Variants in RNF130 observed in about 807,000 individuals in gnomAD.
RNF130 encodes E3 ubiquitin-protein ligase RNF130.
Under a neutral mutation model 44.6 loss-of-function variants are expected in RNF130, and 21 were observed. The observed-to-expected ratio is 0.47, with a 90% CI of 0.33 to 0.68. The LOEUF (loss-of-function observed/expected upper bound fraction) is 0.68, where lower values mean the gene tolerates loss of function less well. Among genes scored for constraint, RNF130 ranks in the 30% least tolerant of loss-of-function variants. RNF130 has a pLI of 0.02. For synonymous variants in RNF130, 214 were observed against 210.4 expected (o/e 1.02, Z -0.15); for missense variants, 479 against 560.6 (o/e 0.85, Z 1.47).
At position 180,071,558 on chromosome 5, in the gene RNF130, C is replaced by T. The variant is rs746922877; in HGVS notation, c.145G>A (p.Gly49Ser). The part of the protein sequence containing the change: ...INVTVQEPGR[G>S]APLTFRIDRG... Reference sequence around the variant, plus strand: ...TCGATGCGAAACGTGAGCGGGGCGCCGCGGCCGGGCTCCTGCACCGTCACG... The same window carrying T: ...TCGATGCGAAACGTGAGCGGGGCGCTGCGGCCGGGCTCCTGCACCGTCACG... The change falls in exon 1 of 9, where the codon GGC becomes AGC. Residue 49 changes from glycine (G) to serine (S), a missense_variant. Coordinates refer to ENST00000521389, the MANE Select transcript of RNF130 (RefSeq NM_018434.6). The T allele has an allele frequency of 7.0e-7, 1 of 1,433,502 alleles. No individual in the cohort carries two copies. The allele number at this position is 1,433,502 out of a possible 1,614,324, so 88.8% of individuals were successfully genotyped here.
chr5:179,949,709 G>A (rs866991414), intron 7 of RNF130, among the ~76,000 whole-genome samples: 1 of 152,214 alleles, frequency 6.6e-6, no homozygotes. Context: ...CAAAGCTGTT[G>A]TAACTTTAAG....
At chr5:180,049,003 A>G (rs1764630636) in intron 1 of RNF130, among the ~76,000 whole-genome samples, 1 of 152,234 alleles carries the variant, frequency 6.6e-6, no homozygotes, top group Admixed American at 6.5e-5. Flanking sequence ...GGAAGTGATC[A>G]CAGATGCCTG....
chr5:179,931,672 G>C (rs1355592144), intron 7 of RNF130, among the ~76,000 whole-genome samples: 1 of 151,040 alleles, frequency 6.6e-6, no homozygotes, highest in Admixed American at 6.6e-5. Context: ...CTACTCGGGA[G>C]GCTGAGGCAG....
At chr5:180,059,219 C>A (rs1344849617) in intron 1 of RNF130, among the ~76,000 whole-genome samples, 1 of 152,170 alleles carries the variant, frequency 6.6e-6, no homozygotes, top group African/African-American at 2.4e-5. Context: ...CTTTCTGCCC[C>A]CTCTCAGTGT....
intron 2 of RNF130, among the ~76,000 whole-genome samples, chr5:180,034,442 A>C (rs1561700931): frequency 6.6e-6 from 1 of 152,142 alleles, no homozygotes; most frequent in African/African-American, 2.4e-5. Context: ...GATTAGTATT[A>C]TTTTTTCTTT....
chr5:179,963,795 C>T, intron 7 of RNF130: 1 of 538,846 alleles, frequency 1.9e-6, no homozygotes, highest in East Asian at 3.2e-5. Context: ...ACCATTTCTT[C>T]CATTTAGGTC....
At chr5:179,969,968 G>A (rs1762543616) in intron 6 of RNF130, among the ~76,000 whole-genome samples, 1 of 152,200 alleles carries the variant, frequency 6.6e-6, no homozygotes, top group East Asian at 1.9e-4. Flanking sequence ...TCCAGCTTGG[G>A]CAACAAGAGC....
intron 3 of RNF130, among the ~76,000 whole-genome samples, chr5:180,001,834 G>A (rs1187488719): frequency 6.6e-6 from 1 of 152,188 alleles, no homozygotes; most frequent in Non-Finnish European, 1.5e-5. Context: ...CTAAGCAGCT[G>A]AGCTTCTTGA....
chr5:180,045,290 C>A (rs1475461222), intron 1 of RNF130, among the ~76,000 whole-genome samples: 1 of 152,158 alleles, frequency 6.6e-6, no homozygotes, highest in Non-Finnish European at 1.5e-5. Flanking sequence ...GGTTCTTGGT[C>A]TTGCTGACTT....
At position 179,978,243 on chromosome 5, in the gene RNF130, T is replaced by G; in HGVS notation, c.808A>C (p.Ser270Arg). Residue 270 changes from serine to arginine, a missense_variant, in exon 5 of 9, where the codon AGC (serine) becomes CGC (arginine). This residue lies in a region of RNF130 where 180 missense variants were observed against 275.1 expected (regional missense o/e 0.65). Transcript: ENST00000521389. Reference sequence around the variant, plus strand: ...CGGACGACATCATTCTGCTTATAGCTCTCTATGCAGACTGCACAATGATCA... The same window carrying G: ...CGGACGACATCATTCTGCTTATAGCGCTCTATGCAGACTGCACAATGATCA... ...DFDHCAVCIE[S>R]YKQNDVVRIL... 1.2e-6 allele frequency: 2 copies of G among 1,614,066 alleles called. No homozygotes were observed. Among genetic ancestry groups the G allele is most frequent in the South Asian group, 1.1e-5 (1 of 91,084 alleles).
intron 1 of RNF130, among the ~76,000 whole-genome samples, chr5:180,068,351 C>A (rs1218643644): frequency 3.9e-5 from 6 of 152,226 alleles, no homozygotes; most frequent in Non-Finnish European, 8.8e-5. Flanking sequence ...TGCATAAATA[C>A]AAGACATGTT....
intron 5 of RNF130, among the ~76,000 whole-genome samples, chr5:179,971,579 C>G (rs1480634185): frequency 1.3e-5 from 2 of 152,188 alleles, no homozygotes; most frequent in South Asian, 2.1e-4. Context: ...CCATGTTAGC[C>G]AGGATGGTTT....
At chr5:180,022,851 C>T (rs954905427) in intron 2 of RNF130, among the ~76,000 whole-genome samples, 3 of 152,182 alleles carry the variant, frequency 2.0e-5, no homozygotes, top group African/African-American at 7.2e-5. Flanking sequence ...TGCTTTCTTA[C>T]AAGCTTTTGA....
At chr5:180,029,852 C>T (rs868456575) in intron 2 of RNF130, among the ~76,000 whole-genome samples, 6 of 144,324 alleles carry the variant, frequency 4.2e-5, no homozygotes, top group South Asian at 2.2e-4. Context: ...CTATCCACCT[C>T]TTTTTTTTTT....
chr5:180,013,405 G>C, intron 2 of RNF130, 94 bp from the exon 3 acceptor site: 1 of 1,122,880 alleles, frequency 8.9e-7, no homozygotes, highest in Non-Finnish European at 1.2e-6. Flanking sequence ...CTACTATAAT[G>C]TCTGGTAATG....
At position 180,040,436 on chromosome 5, in the gene RNF130, C is replaced by A. The variant is rs747129327; in HGVS notation, c.442+17G>T. On this transcript the variant is annotated intron_variant, in intron 2 of 8. Transcript: ENST00000521389. ...CTAAGAAGAAAAACAAAATCAACAA[C>A]CCTCATTTTTGTTTACCTGGATGAG... 2 of 1,600,726 alleles carry A rather than the reference C, an allele frequency of 1.2e-6. No homozygotes were observed. The highest frequency in any genetic ancestry group is 8.5e-7 in the Non-Finnish European group (1 of 1,171,536).
intron 2 of RNF130, among the ~76,000 whole-genome samples, chr5:180,016,734 C>T (rs1159327529): frequency 6.6e-6 from 1 of 152,230 alleles, no homozygotes; most frequent in Non-Finnish European, 1.5e-5. Context: ...TGAGAATTTT[C>T]AAACCCATAG....
At chr5:180,008,296 G>A (rs541691587) in intron 3 of RNF130, among the ~76,000 whole-genome samples, 3 of 152,146 alleles carry the variant, frequency 2.0e-5, no homozygotes, top group South Asian at 4.2e-4. Flanking sequence ...CCAGCCAGGC[G>A]CCAAGGGCAA....
Position 180,040,501 on chromosome 5 carries a change from T to C in RNF130, c.394A>G (p.Ile132Val). 6.2e-7 allele frequency: 1 copy of C among 1,614,194 alleles called. No individual in the cohort carries two copies. Among genetic ancestry groups the C allele is most frequent in the African/African-American group, 1.3e-5 (1 of 75,056 alleles). ...AAFHNAVAVVIYNNKSKEEPV... is the reference protein window; with the variant it reads ...AAFHNAVAVVVYNNKSKEEPV... ...TCCTCTTTGGATTTATTATTGTAGATGACTACAGCAACTGCATTGTGGAAA... is the reference window on the plus strand; with the variant it reads ...TCCTCTTTGGATTTATTATTGTAGACGACTACAGCAACTGCATTGTGGAAA... Residue 132 changes from isoleucine to valine, a missense_variant, in exon 2 of 9, where the codon ATC (isoleucine) becomes GTC (valine). Ile to Val is a conservative substitution (Grantham distance 29). Coordinates refer to ENST00000521389, the MANE Select transcript of RNF130 (RefSeq NM_018434.6).
Sources: gnomAD v4.1 joint callset for allele counts (sites outside exome capture counted in the v4.1 genomes callset) on GRCh38, gnomAD v4.1.1 for gene constraint, gnomAD v4.1.1 regional missense constraint, MANE v1.5 for transcripts, NCBI Gene and HGNC (gene_info 2026-07-23, HGNC 2026-07-21) for gene names.